ATP8A2: variants seen among roughly 807,000 people sequenced by gnomAD.
ATP8A2 encodes the protein ATPase phospholipid transporting 8A2.
A neutral mutation model predicts 165.6 loss-of-function variants in ATP8A2; 100 were observed. The ratio of observed to expected loss-of-function variants is 0.60; its 90% CI spans 0.51 to 0.71. ATP8A2 has a LOEUF of 0.71. Among genes scored for constraint, ATP8A2 ranks in the 30% least tolerant of loss-of-function variants. The pLI is 0.00. For synonymous variants in ATP8A2, 543 were observed against 548.8 expected, an observed-to-expected ratio of 0.99 and a Z score of 0.15; for missense variants, 1,227 against 1,479.5, an observed-to-expected ratio of 0.83 and a Z score of 2.80.
At chr13:25,754,562 T>C (rs1328471136) in intron 25 of ATP8A2, among the ~76,000 whole-genome samples, 1 of 152,184 alleles carries the variant, frequency 6.6e-6, no homozygotes, top group Non-Finnish European at 1.5e-5. Flanking sequence ...GTTAGAAGTT[T>C]ATAGCACAAA....
chr13:25,541,368 TA>T (rs1442441313), intron 8 of ATP8A2, among the ~76,000 whole-genome samples: 3 of 151,972 alleles, frequency 2.0e-5, no homozygotes, highest in Non-Finnish European at 4.4e-5. Flanking sequence ...ACAAAAAACT[TA>T]AAAAATAGCT....
At chr13:25,591,569 T>G (rs1262864292) in intron 24 of ATP8A2, among the ~76,000 whole-genome samples, 5 of 151,864 alleles carry the variant, frequency 3.3e-5, no homozygotes, top group Non-Finnish European at 7.4e-5. Context: ...AGTGGACAGT[T>G]GAGTAGCTTA....
chr13:25,374,426 G>A (rs756016208), intron 1 of ATP8A2, among the ~76,000 whole-genome samples: 1 of 152,210 alleles, frequency 6.6e-6, no homozygotes, highest in African/African-American at 2.4e-5. Context: ...TTGCAGAAAA[G>A]GCAGGGGGAG....
At chr13:25,407,766 C>T (rs889769770) in intron 1 of ATP8A2, among the ~76,000 whole-genome samples, 1 of 150,922 alleles carries the variant, frequency 6.6e-6, no homozygotes, top group African/African-American at 2.4e-5. Flanking sequence ...GACTTCCTCC[C>T]TGGGTTTTGC....
Position 25,862,716 on chromosome 13 carries a change from T to C in ATP8A2, c.3183+308T>C, listed in dbSNP as rs144490526. On this transcript the variant is annotated intron_variant, in intron 33 of 36. Transcript: ENST00000381655. Reference sequence around the variant, plus strand: ...GTGTTAATTACACACAGTACCAATATGTACAGTTGGAAAACTGGAGCTATT... The same window carrying C: ...GTGTTAATTACACACAGTACCAATACGTACAGTTGGAAAACTGGAGCTATT... Among the ~76,000 whole-genome samples, 329 of 152,360 alleles carry C rather than the reference T, an allele frequency of 2.2e-3. 3 individuals carry two copies. Among genetic ancestry groups the C allele is most frequent in the African/African-American group, 7.7e-3 (319 of 41,576 alleles).
chr13:25,721,480 A>G (rs2043380411), intron 25 of ATP8A2, among the ~76,000 whole-genome samples: 1 of 152,184 alleles, frequency 6.6e-6, no homozygotes, highest in Admixed American at 6.5e-5. Context: ...GCAGTTTCAC[A>G]GTTTCAGGTT....
At chr13:25,794,759 A>G (rs955685432) in intron 27 of ATP8A2, among the ~76,000 whole-genome samples, 5 of 151,828 alleles carry the variant, frequency 3.3e-5, no homozygotes, top group African/African-American at 1.2e-4. Context: ...GGCCAAGGAT[A>G]ACATCTATCA....
intron 27 of ATP8A2, among the ~76,000 whole-genome samples, chr13:25,816,217 A>G (rs2138542681): frequency 6.6e-6 from 1 of 152,278 alleles, no homozygotes; most frequent in Middle Eastern, 3.4e-3. Flanking sequence ...ACATATTGAG[A>G]TAGTTTTTGA....
intron 1 of ATP8A2, among the ~76,000 whole-genome samples, chr13:25,450,942 T>C (rs567170637): frequency 9.2e-5 from 14 of 152,088 alleles, no homozygotes; most frequent in Non-Finnish European, 2.1e-4. Flanking sequence ...TTTTAAAAAA[T>C]ATTTTGTTTG....
chr13:26,014,615 A>G (rs968205492), intron 36 of ATP8A2, among the ~76,000 whole-genome samples: 4 of 152,164 alleles, frequency 2.6e-5, no homozygotes, highest in African/African-American at 9.7e-5. Flanking sequence ...CTTTAAGACC[A>G]GAAGGGTCAT....
At chr13:25,902,720 A>G (rs1244070301) in intron 33 of ATP8A2, among the ~76,000 whole-genome samples, 1 of 152,058 alleles carries the variant, frequency 6.6e-6, no homozygotes, top group Non-Finnish European at 1.5e-5. Flanking sequence ...CCCAAGACTC[A>G]GGTCTTCATT....
At chr13:25,490,298 A>G (rs1397230925) in intron 2 of ATP8A2, among the ~76,000 whole-genome samples, 1 of 152,180 alleles carries the variant, frequency 6.6e-6, no homozygotes, top group Non-Finnish European at 1.5e-5. Context: ...CACTCTTCAC[A>G]GGGCTAGCCC....
intron 2 of ATP8A2, among the ~76,000 whole-genome samples, chr13:25,506,058 G>GA (rs1427855134): frequency 6.6e-6 from 1 of 152,190 alleles, no homozygotes; most frequent in Non-Finnish European, 1.5e-5. Flanking sequence ...TTATTCTGAG[G>GA]AAATTGGATC....
chr13:26,001,985 T>C (rs143490278), intron 35 of ATP8A2, among the ~76,000 whole-genome samples: 9 of 152,238 alleles, frequency 5.9e-5, no homozygotes, highest in East Asian at 5.8e-4. Flanking sequence ...TTGTTCTAGC[T>C]CTTATATTTA....
chr13:25,534,654 A>G (rs1190343087), intron 6 of ATP8A2, among the ~76,000 whole-genome samples: 1 of 152,244 alleles, frequency 6.6e-6, no homozygotes, highest in African/African-American at 2.4e-5. Context: ...CCAGTTATGT[A>G]CTGTACCGCA....
intron 1 of ATP8A2, among the ~76,000 whole-genome samples, chr13:25,446,381 G>C (rs1359525897): frequency 6.6e-6 from 1 of 152,120 alleles, no homozygotes; most frequent in Non-Finnish European, 1.5e-5. Context: ...TCATGTATCT[G>C]CTCTTCAGAC....
intron 18 of ATP8A2, among the ~76,000 whole-genome samples, chr13:25,573,280 C>A (rs1163110680): frequency 1.3e-5 from 2 of 152,118 alleles, no homozygotes; most frequent in East Asian, 3.9e-4. Flanking sequence ...CAGAAGAGAA[C>A]AGGCGCTTCC....
chr13:25,428,164 A>T (rs2034504424), intron 1 of ATP8A2, among the ~76,000 whole-genome samples: 1 of 151,328 alleles, frequency 6.6e-6, no homozygotes, highest in African/African-American at 2.4e-5. Context: ...AGCCTGGGTG[A>T]CAGAGTAAGA....
chr13:25,774,464 A>G (rs914379664), intron 26 of ATP8A2, among the ~76,000 whole-genome samples: 1 of 152,282 alleles, frequency 6.6e-6, no homozygotes, highest in Non-Finnish European at 1.5e-5. Context: ...CAGACCTTGA[A>G]ACCTAGGTGA....
Sources: gnomAD v4.1 joint callset for allele counts (sites outside exome capture counted in the v4.1 genomes callset) on GRCh38, gnomAD v4.1.1 for gene constraint, MANE v1.5 for transcripts, NCBI Gene and HGNC (gene_info 2026-07-23, HGNC 2026-07-21) for gene names.